Variants in OXSR1 observed in about 807,000 individuals in gnomAD.
OXSR1 encodes serine/threonine-protein kinase OSR1.
OXSR1 carries 24 observed loss-of-function variants against 79.8 expected under a neutral mutation model. The observed-to-expected ratio is 0.30, with a 90% CI of 0.22 to 0.42. OXSR1 has a LOEUF of 0.42. OXSR1 is among the 10% of genes least tolerant of loss of function. The probability of loss-of-function intolerance (pLI) is 1.00; values close to 1 mark genes in which losing one functional copy is unlikely to be tolerated. For missense variants in OXSR1, 430 were observed against 618.4 expected, an observed-to-expected ratio of 0.70 and a Z score of 3.23; for synonymous variants, 226 against 209.2, an observed-to-expected ratio of 1.08 and a Z score of -0.69.
At chr3:38,224,314 G>A (rs1000573667) in intron 7 of OXSR1, among the ~76,000 whole-genome samples, 3 of 152,196 alleles carry the variant, frequency 2.0e-5, no homozygotes, top group African/African-American at 7.2e-5. Context: ...GTAGCATGTT[G>A]AAGAATTTTC....
intron 1 of OXSR1, among the ~76,000 whole-genome samples, chr3:38,166,342 T>C (rs1326844563): frequency 6.6e-6 from 1 of 152,020 alleles, no homozygotes; most frequent in Non-Finnish European, 1.5e-5. Flanking sequence ...GTGGGATAGA[T>C]AGGGAGCTTT....
In OXSR1 at chr3:38,220,279, T is replaced by C. The variant is rs186065108; in HGVS notation, c.491-1299T>C. Among the ~76,000 whole-genome samples the C allele has an allele frequency of 2.4e-3, 364 of 152,322 alleles. 1 individual carries two copies. The highest frequency in any genetic ancestry group is 0.017 in the Middle Eastern group (5 of 294). ...TTCATAGACTTCTGAATCTGGAATT[T>C]TAAAGTTTGCCATGCTAAAATTAGC... is the stretch of plus-strand genomic sequence containing the variant. On this transcript the variant is annotated intron_variant, in intron 5 of 17. Transcript: ENST00000311806.
chr3:38,201,006 T>C (rs1702152827), intron 4 of OXSR1, among the ~76,000 whole-genome samples: 1 of 152,180 alleles, frequency 6.6e-6, no homozygotes, highest in Non-Finnish European at 1.5e-5. Flanking sequence ...ATTAGTGAGG[T>C]TGGACACAGA....
intron 13 of OXSR1, among the ~76,000 whole-genome samples, chr3:38,247,410 A>T (rs1703164380): frequency 6.6e-6 from 1 of 152,144 alleles, no homozygotes; most frequent in South Asian, 2.1e-4. Context: ...TAAAATGTAA[A>T]TGTGGCTATA....
intron 3 of OXSR1, among the ~76,000 whole-genome samples, chr3:38,197,912 G>C (rs1702096622): frequency 6.6e-6 from 1 of 152,134 alleles, no homozygotes; most frequent in African/African-American, 2.4e-5. Flanking sequence ...TAATGTTCTA[G>C]ACTTCTTGGC....
chr3:38,254,329 A>G lies in OXSR1; in HGVS notation c.*1438A>G. ...AAACCTTCCCCACAAATAACTTGTC[A>G]CACCTTTTGTTTCATTCTGAGTCTT... On this transcript the variant is annotated 3_prime_UTR_variant, in exon 18 of 18. Coordinates refer to ENST00000311806, the MANE Select transcript of OXSR1 (RefSeq NM_005109.3). 2.5e-6 allele frequency: 1 copy of G among 397,838 alleles called. No individual in the cohort carries two copies. Among genetic ancestry groups the G allele is most frequent in the East Asian group, 3.6e-5 (1 of 28,062 alleles). 24.6% of individuals were successfully genotyped at this position (397,838 alleles called of 1,614,324 possible).
chr3:38,187,536 A>T (rs1701907087), intron 2 of OXSR1, among the ~76,000 whole-genome samples: 5 of 152,210 alleles, frequency 3.3e-5, no homozygotes, highest in Admixed American at 3.3e-4. Context: ...GACTACATTT[A>T]GGGAATTAGA....
At chr3:38,175,978 C>T (rs561169252) in intron 1 of OXSR1, among the ~76,000 whole-genome samples, 41 of 152,170 alleles carry the variant, frequency 2.7e-4, no homozygotes, top group African/African-American at 8.4e-4. Context: ...AATGCTTAGT[C>T]GAGGGCATTA....
chr3:38,169,677 G>A (rs1701538825), intron 1 of OXSR1, among the ~76,000 whole-genome samples: 1 of 150,920 alleles, frequency 6.6e-6, no homozygotes, highest in East Asian at 1.9e-4. Flanking sequence ...GGTATGCGTC[G>A]TTCATCTGAT....
chr3:38,167,237 G>C (rs549399123), intron 1 of OXSR1, among the ~76,000 whole-genome samples: 97 of 152,214 alleles, frequency 6.4e-4, no homozygotes, highest in Non-Finnish European at 1.1e-3. Context: ...AATACCAGTT[G>C]GCAGAGACCA....
intron 4 of OXSR1, among the ~76,000 whole-genome samples, chr3:38,211,846 T>C (rs557356557): frequency 1.3e-5 from 2 of 152,322 alleles, no homozygotes; most frequent in South Asian, 2.1e-4. Context: ...TGTGGTATTT[T>C]CCCCCTAATT....
At chr3:38,219,633 GC>G (rs376956816) in intron 5 of OXSR1, among the ~76,000 whole-genome samples, 234 of 152,270 alleles carry the variant, frequency 1.5e-3, no homozygotes, top group Middle Eastern at 3.4e-3. Context: ...CCCAAGTTCA[GC>G]TGACTAGTGG....
chr3:38,252,080 T>A (rs1020282272), intron 16 of OXSR1, among the ~76,000 whole-genome samples: 25 of 152,332 alleles, frequency 1.6e-4, no homozygotes, highest in African/African-American at 6.0e-4. Flanking sequence ...CATACCTCTT[T>A]TACCTGCATG....
intron 6 of OXSR1, among the ~76,000 whole-genome samples, chr3:38,222,748 A>G (rs1391164907): frequency 3.3e-5 from 5 of 152,214 alleles, no homozygotes; most frequent in Non-Finnish European, 1.5e-5. Flanking sequence ...TAACTTTTTC[A>G]TTATAGAAAT....
intron 1 of OXSR1, among the ~76,000 whole-genome samples, chr3:38,170,211 A>C (rs1180987535): frequency 2.0e-5 from 3 of 151,866 alleles, no homozygotes; most frequent in African/African-American, 7.3e-5. Flanking sequence ...CACCAGGCTA[A>C]GTTTTTGTAT....
At position 38,165,570 on chromosome 3, in the gene OXSR1, C is replaced by CTG; in HGVS notation, c.-307_-306insTG. On this transcript the variant is annotated 5_prime_UTR_variant, in exon 1 of 18. Transcript: ENST00000311806. ...CGTGGGGCTGGGGTGGAGGGCGGGA[C>CTG]AGAGGGGCTGGGCCCAGGCAAAGCT... The CTG allele has an allele frequency of 2.6e-6, 1 of 388,590 alleles. No individual in the cohort carries two copies. Among genetic ancestry groups the CTG allele is most frequent in the Non-Finnish European group, 4.6e-6 (1 of 215,914 alleles). The allele number at this position is 388,590 out of a possible 1,614,324, so 24.1% of individuals were successfully genotyped here. A position where few individuals can be genotyped will look rare whatever the true frequency, so the allele number is the denominator to read the frequency against.
chr3:38,235,489 A>C (rs1702900796), intron 10 of OXSR1, among the ~76,000 whole-genome samples: 1 of 152,230 alleles, frequency 6.6e-6, no homozygotes, highest in Non-Finnish European at 1.5e-5. Context: ...AATCATTGAC[A>C]AAATAATTCA....
chr3:38,167,112 C>A (rs1701481200), intron 1 of OXSR1, among the ~76,000 whole-genome samples: 1 of 152,166 alleles, frequency 6.6e-6, no homozygotes, highest in Admixed American at 6.5e-5. Flanking sequence ...TAGGGATCTT[C>A]TCAGCTTTGG....
At chr3:38,251,369 A>T in intron 15 of OXSR1, 34 bp from the exon 16 acceptor site, 1 of 1,593,522 alleles carries the variant, frequency 6.3e-7, no homozygotes, top group Non-Finnish European at 8.6e-7. Flanking sequence ...AAGCACGCAC[A>T]AAAAACAGAG....
Sources: gnomAD v4.1 joint callset for allele counts (sites outside exome capture counted in the v4.1 genomes callset) on GRCh38, gnomAD v4.1.1 for gene constraint, MANE v1.5 for transcripts, NCBI Gene and HGNC (gene_info 2026-07-23, HGNC 2026-07-21) for gene names.